The following WFDC11 variants were observed in gnomAD, a reference collection of about 807,000 sequenced individuals.
The protein encoded by WFDC11 is protein WFDC11.
A neutral mutation model predicts 9.9 loss-of-function variants in WFDC11; 9 were observed. The ratio of observed to expected loss-of-function variants is 0.91; its 90% CI spans 0.55 to 1.58. WFDC11 has a LOEUF of 1.58. WFDC11 is among the 40% of genes most tolerant of loss of function. The pLI is 0.00. For synonymous variants in WFDC11, 32 were observed against 33.3 expected, an observed-to-expected ratio of 0.96 and a Z score of 0.13; for missense variants, 106 against 101.7, an observed-to-expected ratio of 1.04 and a Z score of -0.18.
In WFDC11 at chr20:45,649,352, C is replaced by G. The variant is rs1360815521; in HGVS notation, c.148G>C (p.Glu50Gln). 1 of 1,614,028 alleles carries G rather than the reference C, an allele frequency of 6.2e-7. No homozygotes were observed. The highest frequency in any genetic ancestry group is 8.5e-7 in the Non-Finnish European group (1 of 1,180,014). The change falls in exon 4 of 5, where the codon GAA (glutamate) becomes CAA (glutamine). Residue 50 changes from glutamate to glutamine, a missense_variant. Physicochemically the swap from Glu to Gln is conservative, Grantham distance 29. Transcript: ENST00000324384. ...GCTTTAGAACACTTATTGGTACATT[C>G]TTTGACATTTGGCTTTCCCCAGCAT... Reference protein sequence around the residue: ...EECWGKPNVKECTNKCSKAFR... With the variant: ...EECWGKPNVKQCTNKCSKAFR...
At chr20:45,649,426 G>C (rs772187171) in intron 3 of WFDC11, 27 bp from the exon 4 acceptor site, 1 of 1,610,980 alleles carries the variant, frequency 6.2e-7, no homozygotes, top group South Asian at 1.1e-5. Context: ...ATGGTCAAAG[G>C]TTGATGGTAT....
chr20:45,660,662 G>A (rs960213634), intron 2 of WFDC11, among the ~76,000 whole-genome samples: 6 of 152,028 alleles, frequency 3.9e-5, no homozygotes, highest in East Asian at 1.9e-4. Context: ...GAGAATACGC[G>A]GTGTTTGGTT....
At chr20:45,668,551 T>C (rs1418445527) in intron 1 of WFDC11, among the ~76,000 whole-genome samples, 1 of 152,176 alleles carries the variant, frequency 6.6e-6, no homozygotes. Flanking sequence ...AAAGAGCAAC[T>C]CATGCTTAGT....
intron 2 of WFDC11, among the ~76,000 whole-genome samples, chr20:45,657,021 G>A (rs531476504): frequency 6.6e-6 from 1 of 152,328 alleles, no homozygotes; most frequent in South Asian, 2.1e-4. Flanking sequence ...GGAAGTCAGT[G>A]TGGAGATTCC....
intron 2 of WFDC11, among the ~76,000 whole-genome samples, chr20:45,652,364 C>A (rs942401028): frequency 6.6e-6 from 1 of 152,200 alleles, no homozygotes; most frequent in Non-Finnish European, 1.5e-5. Flanking sequence ...AGACCTGCAG[C>A]TGAGGGTCCT....
intron 2 of WFDC11, among the ~76,000 whole-genome samples, chr20:45,665,319 CT>C (rs1983164465): frequency 6.6e-6 from 1 of 152,150 alleles, no homozygotes; most frequent in African/African-American, 2.4e-5. Context: ...ATTCATCTGA[CT>C]TTTTCTTATG....
intron 2 of WFDC11, among the ~76,000 whole-genome samples, chr20:45,660,563 G>C (rs538882882): frequency 6.6e-6 from 1 of 151,788 alleles, no homozygotes; most frequent in African/African-American, 2.4e-5. Context: ...TATCCCTCCC[G>C]CCTCTCCCCA....
At chr20:45,659,674 T>G (rs936155704) in intron 2 of WFDC11, among the ~76,000 whole-genome samples, 1 of 152,222 alleles carries the variant, frequency 6.6e-6, no homozygotes, top group African/African-American at 2.4e-5. Flanking sequence ...GCCTGTTCAC[T>G]CTGATGACAG....
At chr20:45,659,302 G>T (rs200998146) in intron 2 of WFDC11, among the ~76,000 whole-genome samples, 14 of 152,228 alleles carry the variant, frequency 9.2e-5, no homozygotes, top group Admixed American at 3.9e-4. Context: ...TCTTCCACAA[G>T]GGTTGAACTA....
chr20:45,664,768 G>A (rs895371486), intron 2 of WFDC11, among the ~76,000 whole-genome samples: 3 of 152,184 alleles, frequency 2.0e-5, no homozygotes, highest in Admixed American at 2.0e-4. Flanking sequence ...GGCTTGCAGG[G>A]TTTCTGCCTA....
At chr20:45,669,004 A>G (rs1192975320) in intron 1 of WFDC11, among the ~76,000 whole-genome samples, 1 of 152,162 alleles carries the variant, frequency 6.6e-6, no homozygotes, top group Admixed American at 6.5e-5. Flanking sequence ...TACTTGCACC[A>G]ACAAAGAAAT....
chr20:45,662,669 T>G (rs1315967534), intron 2 of WFDC11, among the ~76,000 whole-genome samples: 1 of 152,246 alleles, frequency 6.6e-6, no homozygotes, highest in Non-Finnish European at 1.5e-5. Flanking sequence ...CTGCATCTAT[T>G]GAGATAATCA....
chr20:45,656,006 G>T (rs1453534492), intron 2 of WFDC11, among the ~76,000 whole-genome samples: 1 of 152,126 alleles, frequency 6.6e-6, no homozygotes, highest in African/African-American at 2.4e-5. Flanking sequence ...TGGCCATACT[G>T]CCCAAGGTAA....
intron 2 of WFDC11, among the ~76,000 whole-genome samples, chr20:45,659,680 G>A (rs1293320578): frequency 6.6e-6 from 1 of 152,182 alleles, no homozygotes; most frequent in Non-Finnish European, 1.5e-5. Flanking sequence ...TCACTCTGAT[G>A]ACAGTTTCTT....
At chr20:45,661,878 T>C (rs940296924) in intron 2 of WFDC11, among the ~76,000 whole-genome samples, 6 of 152,228 alleles carry the variant, frequency 3.9e-5, no homozygotes, top group African/African-American at 1.4e-4. Flanking sequence ...TTCTTTTGGC[T>C]TAGGATTGTC....
intron 2 of WFDC11, among the ~76,000 whole-genome samples, chr20:45,666,715 T>G (rs1357663990): frequency 6.6e-6 from 1 of 152,244 alleles, no homozygotes; most frequent in African/African-American, 2.4e-5. Context: ...AATGTTCTTT[T>G]TCTTTTATGA....
chr20:45,654,747 G>A (rs548478107), intron 2 of WFDC11, among the ~76,000 whole-genome samples: 2 of 152,196 alleles, frequency 1.3e-5, no homozygotes, highest in Admixed American at 1.3e-4. Context: ...TGATAAAGGG[G>A]ATATCAACAC....
chr20:45,658,330 C>A (rs972160642), intron 2 of WFDC11, among the ~76,000 whole-genome samples: 1 of 152,152 alleles, frequency 6.6e-6, no homozygotes, highest in Non-Finnish European at 1.5e-5. Context: ...ATGTATCCAT[C>A]TTGTATAACT....
intron 1 of WFDC11, among the ~76,000 whole-genome samples, chr20:45,668,014 A>G (rs1983221657): frequency 6.6e-6 from 1 of 152,234 alleles, no homozygotes; most frequent in African/African-American, 2.4e-5. Context: ...GCAGAAACTG[A>G]AGCATCGAGG....
Sources: gnomAD v4.1 joint callset for allele counts (sites outside exome capture counted in the v4.1 genomes callset) on GRCh38, gnomAD v4.1.1 for gene constraint, MANE v1.5 for transcripts, NCBI Gene and HGNC (gene_info 2026-07-23, HGNC 2026-07-21) for gene names.